SBSPON: variants seen among roughly 807,000 people sequenced by gnomAD.
SBSPON encodes the protein somatomedin B and thrombospondin type 1 domain containing, also known as somatomedin-B and thrombospondin type-1 domain-containing protein.
SBSPON carries 30 observed loss-of-function variants against 35.8 expected under a neutral mutation model. That is an observed-to-expected ratio of 0.84 (90% CI 0.63 to 1.14). The LOEUF is 1.14. Among genes scored for constraint, SBSPON ranks in the 50% most tolerant of loss-of-function variants. The probability of loss-of-function intolerance (pLI) is 0.00; values close to 1 mark genes in which losing one functional copy is unlikely to be tolerated. For synonymous variants in SBSPON, 136 were observed against 135.9 expected, an observed-to-expected ratio of 1.00 and a Z score of 0.00; for missense variants, 364 against 357.7, an observed-to-expected ratio of 1.02 and a Z score of -0.14.
chr8:73,088,868 A>T (rs1021829011), intron 1 of SBSPON, among the ~76,000 whole-genome samples: 3 of 152,192 alleles, frequency 2.0e-5, no homozygotes, highest in Non-Finnish European at 4.4e-5. Flanking sequence ...AGCTCTGCTC[A>T]TTGGTGTTAG....
chr8:73,085,322 C>T (rs1343617574), intron 1 of SBSPON: 2 of 152,072 alleles, frequency 1.3e-5, no homozygotes, highest in Non-Finnish European at 2.9e-5. Flanking sequence ...CTGCCAGGAC[C>T]ACATTTTGAA....
At chr8:73,087,521 TCGTTTTTTTTCTTCAAAGCCAAAGG>T (rs1461565848) in intron 1 of SBSPON, among the ~76,000 whole-genome samples, 1 of 152,134 alleles carries the variant, frequency 6.6e-6, no homozygotes, top group Non-Finnish European at 1.5e-5. Flanking sequence ...CAGGCCCCGC[TCGTTTTTTTTCTTCAAAGCCAAAGG>T]CGATGTCTCT....
At chr8:73,080,578 G>T (rs903295925) in intron 2 of SBSPON, among the ~76,000 whole-genome samples, 1 of 152,112 alleles carries the variant, frequency 6.6e-6, no homozygotes, top group Non-Finnish European at 1.5e-5. Context: ...ATTTTTCCAC[G>T]ATTTTTCCAC....
chr8:73,076,884 T>G (rs1810603710), intron 2 of SBSPON, among the ~76,000 whole-genome samples: 1 of 152,152 alleles, frequency 6.6e-6, no homozygotes, highest in Non-Finnish European at 1.5e-5. Flanking sequence ...TTCAGAAATG[T>G]AAGATCATAA....
chr8:73,084,749 GACAC>G (rs57178636), intron 1 of SBSPON, among the ~76,000 whole-genome samples: 17,822 of 134,212 alleles, frequency 0.13, 1,041 homozygotes, highest in African/African-American at 0.16. Flanking sequence ...CCACTACACA[GACAC>G]ACACACACAC....
At chr8:73,077,921 G>T (rs1418478036) in intron 2 of SBSPON, among the ~76,000 whole-genome samples, 1 of 152,166 alleles carries the variant, frequency 6.6e-6, no homozygotes, top group African/African-American at 2.4e-5. Context: ...AAAGTTCTTT[G>T]GTAGAGAAAA....
intron 2 of SBSPON, among the ~76,000 whole-genome samples, chr8:73,079,493 C>T (rs1316119467): frequency 6.6e-6 from 1 of 152,006 alleles, no homozygotes; most frequent in Non-Finnish European, 1.5e-5. Context: ...TCCCTCAAAC[C>T]CTCTACACCT....
chr8:73,091,522 G>A (rs1810935744), intron 1 of SBSPON, among the ~76,000 whole-genome samples: 1 of 152,178 alleles, frequency 6.6e-6, no homozygotes, highest in African/African-American at 2.4e-5. Context: ...CCCCTCATGA[G>A]AGAGAGGCTT....
chr8:73,083,189 A>G (rs1810750683), intron 1 of SBSPON, among the ~76,000 whole-genome samples: 1 of 152,164 alleles, frequency 6.6e-6, no homozygotes, highest in African/African-American at 2.4e-5. Flanking sequence ...CATTGCATCA[A>G]GTTGCTCCTA....
intron 1 of SBSPON, among the ~76,000 whole-genome samples, chr8:73,087,076 G>A (rs1368502019): frequency 2.6e-5 from 4 of 152,170 alleles, no homozygotes; most frequent in Admixed American, 1.3e-4. Flanking sequence ...CTCTGCCCTC[G>A]AGGAGCCCTG....
Position 73,073,343 on chromosome 8 carries a change from G to A in SBSPON, c.410-1473C>T, listed in dbSNP as rs112034897. ...ACAAGCTGATATCAACTTATGAGAC[G>A]CCAAAGTCATCATCAACATGAACTC... On this transcript the variant is annotated intron_variant, in intron 2 of 4. Transcript: ENST00000297354. 5.6e-3 allele frequency among the ~76,000 whole-genome samples: 846 copies of A among 152,276 alleles called. 7 individuals are homozygous for A. The highest frequency in any genetic ancestry group is 0.019 in the African/African-American group (782 of 41,548).
In SBSPON at chr8:73,064,906, C is replaced by G. The variant is rs1218684657; in HGVS notation, c.*2435G>C. The G allele has an allele frequency of 6.6e-6, 1 of 151,862 alleles. No homozygotes were observed. Among genetic ancestry groups the G allele is most frequent in the African/African-American group, 2.4e-5 (1 of 41,332 alleles). The allele number at this position is 151,862 out of a possible 1,614,324, so 9.4% of individuals were successfully genotyped here. On this transcript the variant is annotated 3_prime_UTR_variant, in exon 5 of 5. Transcript: ENST00000297354. Reference sequence around the variant, plus strand: ...CAGTCTATTAAGGGATTTTAGAGTTCGTAAATCTTTTTAGAGTGCCTGGGG... The same window carrying G: ...CAGTCTATTAAGGGATTTTAGAGTTGGTAAATCTTTTTAGAGTGCCTGGGG...
chr8:73,075,478 G>A (rs1810576631), intron 2 of SBSPON, among the ~76,000 whole-genome samples: 1 of 152,188 alleles, frequency 6.6e-6, no homozygotes, highest in South Asian at 2.1e-4. Context: ...CAGCATCCCT[G>A]GGACAAAGGC....
chr8:73,084,519 G>A lies in SBSPON; in HGVS notation c.215-3306C>T, dbSNP rs530378808. Among the ~76,000 whole-genome samples, 57 of 151,854 alleles carry A rather than the reference G, an allele frequency of 3.8e-4. 1 individual carries two copies. The highest frequency in any genetic ancestry group is 1.8e-3 in the Admixed American group (27 of 15,244). On this transcript the variant is annotated intron_variant, in intron 1 of 4. Transcript: ENST00000297354. ...CTTCCACTTCCACCTGCACTTCCCC[G>A]CCCACCTCTGCTCCAAGTTCAGCCA... is the stretch of plus-strand genomic sequence containing the variant.
intron 1 of SBSPON, among the ~76,000 whole-genome samples, chr8:73,084,712 C>A (rs557448177): frequency 2.0e-5 from 3 of 151,342 alleles, no homozygotes; most frequent in South Asian, 2.1e-4. Flanking sequence ...CTTTTTCTGG[C>A]CAGCTTTTTC....
rs149512150 is a variant in SBSPON at position 73,079,844 on chromosome 8, A to G, written c.409+1175T>C. Among the ~76,000 whole-genome samples the G allele has an allele frequency of 6.8e-4, 104 of 152,200 alleles. 1 individual carries two copies. The highest frequency in any genetic ancestry group is 3.4e-3 in the Middle Eastern group (1 of 294). On this transcript the variant is annotated intron_variant, in intron 2 of 4. Transcript: ENST00000297354. Reference sequence around the variant, plus strand: ...AGGCTCCACATCAACTTTTCTCCACATCAACCATCGTGACCCCAGCGCCAG... The same window carrying G: ...AGGCTCCACATCAACTTTTCTCCACGTCAACCATCGTGACCCCAGCGCCAG...
intron 1 of SBSPON, among the ~76,000 whole-genome samples, chr8:73,088,235 T>C (rs1489769685): frequency 6.6e-6 from 1 of 152,152 alleles, no homozygotes; most frequent in Non-Finnish European, 1.5e-5. Flanking sequence ...ATAATAACAA[T>C]AATAATAATG....
At chr8:73,071,675 G>T in intron 3 of SBSPON, 105 bp downstream of exon 3, 1 of 677,638 alleles carries the variant, frequency 1.5e-6, no homozygotes, top group Non-Finnish European at 2.5e-6. Flanking sequence ...AAGTCAAAGA[G>T]CAAGTAGAAA....
intron 1 of SBSPON, among the ~76,000 whole-genome samples, chr8:73,090,905 T>A (rs1810920647): frequency 6.6e-6 from 1 of 152,224 alleles, no homozygotes; most frequent in South Asian, 2.1e-4. Context: ...ATAGGCTCTT[T>A]GTCTCACTAT....
Sources: gnomAD v4.1 joint callset for allele counts (sites outside exome capture counted in the v4.1 genomes callset) on GRCh38, gnomAD v4.1.1 for gene constraint, MANE v1.5 for transcripts, NCBI Gene and HGNC (gene_info 2026-07-23, HGNC 2026-07-21) for gene names.